Variants in TMEM123 observed in about 807,000 individuals in gnomAD.
TMEM123 encodes porimin.
TMEM123 carries 16 observed loss-of-function variants against 19.7 expected under a neutral mutation model. The ratio of observed to expected loss-of-function variants is 0.81; its 90% CI spans 0.55 to 1.23. The LOEUF is 1.23. TMEM123 is among the 50% of genes most tolerant of loss of function. The pLI is 0.00. For missense variants in TMEM123, 313 were observed against 257.8 expected (o/e 1.21, Z -1.47); for synonymous variants, 118 against 99.4 (o/e 1.19, Z -1.12).
intron 2 of TMEM123, among the ~76,000 whole-genome samples, chr11:102,435,280 T>C (rs1471864423): frequency 6.6e-6 from 1 of 151,900 alleles, no homozygotes; most frequent in Non-Finnish European, 1.5e-5. Context: ...ATTTAAAAAA[T>C]GGCAAAGGAC....
chr11:102,417,687 A>C (rs554177773), intron 2 of TMEM123, among the ~76,000 whole-genome samples: 1 of 152,322 alleles, frequency 6.6e-6, no homozygotes, highest in South Asian at 2.1e-4. Context: ...TAGCCAAAGC[A>C]ATCCTAAGCA....
chr11:102,444,705 A>G (rs1436369781), intron 2 of TMEM123, among the ~76,000 whole-genome samples: 1 of 151,900 alleles, frequency 6.6e-6, no homozygotes, highest in Non-Finnish European at 1.5e-5. Context: ...AAATAAATAA[A>G]AGATACATGC....
chr11:102,427,668 C>T (rs1952141120), intron 2 of TMEM123, among the ~76,000 whole-genome samples: 1 of 151,464 alleles, frequency 6.6e-6, no homozygotes, highest in African/African-American at 2.4e-5. Context: ...GAAACCCTGT[C>T]TCTACTAAAA....
In TMEM123 at chr11:102,444,822, T is replaced by C. The variant is rs547530021; in HGVS notation, c.157+3990A>G. 2.6e-4 allele frequency among the ~76,000 whole-genome samples: 40 copies of C among 152,060 alleles called. 2 individuals carry two copies. The highest frequency in any genetic ancestry group is 2.1e-3 in the Admixed American group (32 of 15,280). On this transcript the variant is annotated intron_variant, in intron 2 of 4. Coordinates refer to ENST00000398136, the MANE Select transcript of TMEM123 (RefSeq NM_052932.3). ...AAGAAAATGTGGCACATATACACCA[T>C]GGAATACTATGCAGCCATAAAAAAG...
intron 2 of TMEM123, among the ~76,000 whole-genome samples, chr11:102,432,772 C>A (rs982213608): frequency 6.6e-6 from 1 of 152,202 alleles, no homozygotes; most frequent in Non-Finnish European, 1.5e-5. Flanking sequence ...TGGGCCAGGC[C>A]CAGGGGCCCC....
intron 2 of TMEM123, among the ~76,000 whole-genome samples, chr11:102,419,538 T>C (rs1312627427): frequency 6.6e-6 from 1 of 152,212 alleles, no homozygotes; most frequent in Admixed American, 6.5e-5. Context: ...GGCAACTGCG[T>C]GTCCAGTCTG....
chr11:102,419,192 G>A (rs1358832343), intron 2 of TMEM123, among the ~76,000 whole-genome samples: 1 of 152,150 alleles, frequency 6.6e-6, no homozygotes, highest in African/African-American at 2.4e-5. Context: ...ATGCATTCAA[G>A]TTTATGGCTT....
chr11:102,439,095 C>G (rs146553610), intron 2 of TMEM123, among the ~76,000 whole-genome samples: 3 of 152,184 alleles, frequency 2.0e-5, no homozygotes, highest in East Asian at 1.9e-4. Flanking sequence ...CCGGGAAGCT[C>G]GAACTGGGTG....
intron 2 of TMEM123, among the ~76,000 whole-genome samples, chr11:102,411,296 A>AC (rs1952002430): frequency 6.6e-6 from 1 of 152,130 alleles, no homozygotes; most frequent in Non-Finnish European, 1.5e-5. Flanking sequence ...AGGTGCTGAG[A>AC]CGGCGGTGTT....
At chr11:102,410,470 C>G (rs1951995278) in intron 2 of TMEM123, among the ~76,000 whole-genome samples, 1 of 151,550 alleles carries the variant, frequency 6.6e-6, no homozygotes. Flanking sequence ...CCATTCCATT[C>G]CGTTTCCACA....
At position 102,397,293 on chromosome 11, in the gene TMEM123, CA is replaced by C. The variant is rs1315867485; in HGVS notation, c.*1573del. The C allele has an allele frequency of 5.9e-5, 9 of 152,246 alleles. No individual in the cohort carries two copies. The East Asian group carries it at 7.7e-4, about 13-fold the overall frequency. The allele number at this position is 152,246 out of a possible 1,614,324, so 9.4% of individuals were successfully genotyped here. On this transcript the variant is annotated 3_prime_UTR_variant, in exon 5 of 5. Coordinates refer to ENST00000398136, the MANE Select transcript of TMEM123 (RefSeq NM_052932.3). ...TTCTCTGTAAAACAAAAGCTGACAA[CA>C]GTTTTATTGTACTCCTATTAAATGT...
At chr11:102,419,286 C>T (rs765888336) in intron 2 of TMEM123, among the ~76,000 whole-genome samples, 3 of 152,110 alleles carry the variant, frequency 2.0e-5, no homozygotes, top group Non-Finnish European at 4.4e-5. Context: ...AATTTCAATC[C>T]TTATTCATGT....
chr11:102,415,667 G>C (rs1181644167), intron 2 of TMEM123, among the ~76,000 whole-genome samples: 1 of 152,110 alleles, frequency 6.6e-6, no homozygotes, highest in Non-Finnish European at 1.5e-5. Context: ...GTGAGACATG[G>C]CTAAAGCAGT....
chr11:102,402,325 T>A, intron 2 of TMEM123, 119 bp from the exon 3 acceptor site: 1 of 1,013,102 alleles, frequency 9.9e-7, no homozygotes, highest in Non-Finnish European at 1.4e-6. Context: ...CAGCAGCATT[T>A]AACATACTTA....
intron 2 of TMEM123, among the ~76,000 whole-genome samples, chr11:102,405,316 T>G (rs975388498): frequency 2.1e-4 from 32 of 152,158 alleles, no homozygotes; most frequent in African/African-American, 6.3e-4. Context: ...CCTCCCAAAG[T>G]GCTGGGATTA....
intron 2 of TMEM123, among the ~76,000 whole-genome samples, chr11:102,412,957 A>G (rs1411508696): frequency 6.6e-6 from 1 of 152,220 alleles, no homozygotes; most frequent in Non-Finnish European, 1.5e-5. Flanking sequence ...TGAGAAAATA[A>G]GTAACATATT....
intron 2 of TMEM123, among the ~76,000 whole-genome samples, chr11:102,427,551 G>A (rs747033560): frequency 1.3e-5 from 2 of 148,694 alleles, no homozygotes; most frequent in African/African-American, 2.5e-5. Flanking sequence ...TAAATTCTAC[G>A]GAAATGGCTG....
chr11:102,399,651 G>A (rs980131442), intron 4 of TMEM123, among the ~76,000 whole-genome samples: 4 of 152,150 alleles, frequency 2.6e-5, no homozygotes, highest in Non-Finnish European at 5.9e-5. Flanking sequence ...TATATGCAAC[G>A]TAACTTTAAA....
At position 102,452,681 on chromosome 11, in the gene TMEM123, A is replaced by G. The variant is rs1037657798; in HGVS notation, c.-58T>C. 7.5e-6 allele frequency: 10 copies of G among 1,332,638 alleles called. No homozygotes were observed. Among genetic ancestry groups the G allele is most frequent in the Non-Finnish European group, 9.8e-6 (10 of 1,019,686 alleles). The allele number at this position is 1,332,638 out of a possible 1,614,324, so 82.6% of individuals were successfully genotyped here. A position where few individuals can be genotyped will look rare whatever the true frequency, so the allele number is the denominator to read the frequency against. ...GCTCCCAGCCGAGGTGGCGGCGGCG[A>G]GAGCGGCTCCTCTGCGCAGCCGGCG... On this transcript the variant is annotated 5_prime_UTR_variant, in exon 1 of 5. Coordinates refer to ENST00000398136, the MANE Select transcript of TMEM123 (RefSeq NM_052932.3).
Sources: gnomAD v4.1 joint callset for allele counts (sites outside exome capture counted in the v4.1 genomes callset) on GRCh38, gnomAD v4.1.1 for gene constraint, MANE v1.5 for transcripts, NCBI Gene and HGNC (gene_info 2026-07-23, HGNC 2026-07-21) for gene names.